The following NELL1 variants were observed in gnomAD, a reference collection of about 807,000 sequenced individuals.
The protein encoded by NELL1 is protein kinase C-binding protein NELL1.
A neutral mutation model predicts 107.4 loss-of-function variants in NELL1; 76 were observed. The observed-to-expected ratio is 0.71, with a 90% confidence interval of 0.59 to 0.86. The LOEUF (loss-of-function observed/expected upper bound fraction) is 0.86, where lower values mean the gene tolerates loss of function less well. Ranked by LOEUF, NELL1 falls within the 40% of genes least tolerant of loss-of-function variation. The probability of loss-of-function intolerance (pLI) is 0.00; values close to 1 mark genes in which losing one functional copy is unlikely to be tolerated. For synonymous variants in NELL1, 353 were observed against 341.2 expected, an observed-to-expected ratio of 1.03 and a Z score of -0.38; for missense variants, 1,024 against 1,005.5, an observed-to-expected ratio of 1.02 and a Z score of -0.25.
chr11:20,967,321 A>G (rs911719764), intron 12 of NELL1, among the ~76,000 whole-genome samples: 11 of 151,916 alleles, frequency 7.2e-5, no homozygotes, highest in African/African-American at 2.4e-4. Flanking sequence ...TAATTATTCC[A>G]ATACTTAGGT....
At chr11:20,848,869 A>T (rs1394717647) in intron 4 of NELL1, among the ~76,000 whole-genome samples, 2 of 152,190 alleles carry the variant, frequency 1.3e-5, no homozygotes, top group African/African-American at 4.8e-5. Context: ...TCTTGAGGTG[A>T]GTCTTGGTCC....
intron 15 of NELL1, among the ~76,000 whole-genome samples, chr11:21,466,751 C>T (rs1458951439): frequency 6.6e-6 from 1 of 151,952 alleles, no homozygotes. Flanking sequence ...GAACCTCCCA[C>T]TAGGAGAAGT....
chr11:21,302,922 A>G (rs868519858), intron 14 of NELL1, among the ~76,000 whole-genome samples: 1 of 151,820 alleles, frequency 6.6e-6, no homozygotes, highest in Non-Finnish European at 1.5e-5. Context: ...ATAGCTTGGC[A>G]TGGCAGCACA....
intron 12 of NELL1, among the ~76,000 whole-genome samples, chr11:21,060,658 A>G (rs913882940): frequency 6.6e-6 from 1 of 152,160 alleles, no homozygotes; most frequent in Non-Finnish European, 1.5e-5. Context: ...TTATCTCTGA[A>G]AGCACTTGTG....
At chr11:21,045,267 A>G (rs1387088169) in intron 12 of NELL1, among the ~76,000 whole-genome samples, 3 of 152,120 alleles carry the variant, frequency 2.0e-5, no homozygotes, top group Non-Finnish European at 2.9e-5. Context: ...TGGAGCTAGC[A>G]CAGTTTCTGG....
intron 1 of NELL1, among the ~76,000 whole-genome samples, chr11:20,677,723 G>A (rs927321291): frequency 1.3e-5 from 2 of 152,098 alleles, no homozygotes; most frequent in Admixed American, 6.5e-5. Flanking sequence ...CCATAATTGG[G>A]GGTGGGGTTG....
At chr11:21,009,929 A>ACCCCCT (rs1319042216) in intron 12 of NELL1, among the ~76,000 whole-genome samples, 3 of 141,238 alleles carry the variant, frequency 2.1e-5, no homozygotes, top group African/African-American at 5.3e-5. Flanking sequence ...AACCATCAGC[A>ACCCCCT]CCCCCTCCCC....
chr11:20,934,684 T>C (rs1850686811), intron 9 of NELL1, among the ~76,000 whole-genome samples: 1 of 152,228 alleles, frequency 6.6e-6, no homozygotes, highest in African/African-American at 2.4e-5. Flanking sequence ...AACAGTGCAC[T>C]TAGCAGAACT....
At chr11:21,497,328 A>C (rs184453766) in intron 15 of NELL1, among the ~76,000 whole-genome samples, 13 of 152,294 alleles carry the variant, frequency 8.5e-5, no homozygotes, top group Non-Finnish European at 1.8e-4. Flanking sequence ...TTTTTAAAAA[A>C]AGTAGACCAA....
chr11:21,126,714 G>A (rs1458945549), intron 13 of NELL1, among the ~76,000 whole-genome samples: 1 of 152,134 alleles, frequency 6.6e-6, no homozygotes, highest in Non-Finnish European at 1.5e-5. Flanking sequence ...GAATAACAGG[G>A]CACCTTAAGA....
rs141989512 is a variant in NELL1 at position 21,494,176 on chromosome 11, T to C, written c.1646-40198T>C. Among the ~76,000 whole-genome samples the C allele has an allele frequency of 5.3e-3, 807 of 152,134 alleles. 7 individuals are homozygous for C. The highest frequency in any genetic ancestry group is 0.019 in the African/African-American group (769 of 41,566). On this transcript the variant is annotated intron_variant, in intron 15 of 19. Transcript: ENST00000357134. ...AAGTAGTGATCTAATGTTTCTATTTTACAAAAAATTTTTGTTTGGAAGAAT... is the reference window on the plus strand; with the variant it reads ...AAGTAGTGATCTAATGTTTCTATTTCACAAAAAATTTTTGTTTGGAAGAAT...
chr11:20,865,455 C>T (rs1849078240), intron 4 of NELL1, among the ~76,000 whole-genome samples: 1 of 152,196 alleles, frequency 6.6e-6, no homozygotes, highest in Non-Finnish European at 1.5e-5. Flanking sequence ...TGAGTATCTT[C>T]TATTGGCTTC....
At chr11:21,063,875 T>A (rs1017914666) in intron 12 of NELL1, among the ~76,000 whole-genome samples, 1 of 152,214 alleles carries the variant, frequency 6.6e-6, no homozygotes, top group African/African-American at 2.4e-5. Flanking sequence ...TTGAAGTTGG[T>A]GCTATGGGAG....
intron 2 of NELL1, among the ~76,000 whole-genome samples, chr11:20,782,443 A>C (rs941589536): frequency 6.6e-6 from 1 of 152,210 alleles, no homozygotes; most frequent in Non-Finnish European, 1.5e-5. Context: ...AGCAATTCAA[A>C]AAATTATAGA....
At chr11:21,220,857 T>A (rs555408446) in intron 13 of NELL1, among the ~76,000 whole-genome samples, 1 of 152,210 alleles carries the variant, frequency 6.6e-6, no homozygotes, top group African/African-American at 2.4e-5. Context: ...GGATTCCCTT[T>A]ATTTATTTCC....
chr11:20,838,818 A>G (rs1848575378), intron 3 of NELL1, among the ~76,000 whole-genome samples: 1 of 152,136 alleles, frequency 6.6e-6, no homozygotes, highest in African/African-American at 2.4e-5. Context: ...CATTACCACT[A>G]CAACTACAAC....
At chr11:21,315,098 CCG>C (rs1849848170) in intron 14 of NELL1, among the ~76,000 whole-genome samples, 1 of 152,116 alleles carries the variant, frequency 6.6e-6, no homozygotes, top group Non-Finnish European at 1.5e-5. Flanking sequence ...CTCAGGTGAT[CCG>C]TCTGCCTTGG....
intron 15 of NELL1, among the ~76,000 whole-genome samples, chr11:21,466,998 A>C (rs1045562109): frequency 2.0e-5 from 3 of 152,072 alleles, no homozygotes; most frequent in African/African-American, 7.2e-5. Context: ...TGTGACATGG[A>C]GTATTAATTT....
rs140434495 is a variant in NELL1, at chr11:21,368,437, T to G, written c.1550-2416T>G. 2.1e-3 allele frequency among the ~76,000 whole-genome samples: 316 copies of G among 152,096 alleles called. 5 individuals carry two copies. The highest frequency in any genetic ancestry group is 0.02 in the Admixed American group (300 of 15,236). On this transcript the variant is annotated intron_variant, in intron 14 of 19. Coordinates refer to ENST00000357134, the MANE Select transcript of NELL1 (RefSeq NM_006157.5). ...TTTAAAAATAAAATAAACCTGCCTT[T>G]GTGAACACCGGATTGTAGATTAACC... is the stretch of plus-strand genomic sequence containing the variant.
Sources: allele counts gnomAD v4.1 joint callset (sites outside exome capture counted in the v4.1 genomes callset), GRCh38; gene constraint gnomAD v4.1.1; transcripts MANE v1.5; gene names NCBI Gene and HGNC (gene_info 2026-07-23, HGNC 2026-07-21).